The following PAPSS2 variants were observed in gnomAD, a reference collection of about 807,000 sequenced individuals.
The protein encoded by PAPSS2 is 3'-phosphoadenosine 5'-phosphosulfate synthase 2.
Under a neutral mutation model 66.5 loss-of-function variants are expected in PAPSS2, and 61 were observed. That is an observed-to-expected ratio of 0.92 (90% CI 0.75 to 1.14). The LOEUF (loss-of-function observed/expected upper bound fraction) is 1.14. PAPSS2 is among the 50% of genes most tolerant of loss of function. The pLI is 0.00. For synonymous variants in PAPSS2, 289 were observed against 287.5 expected, an observed-to-expected ratio of 1.01 and a Z score of -0.05; for missense variants, 708 against 789.6, an observed-to-expected ratio of 0.90 and a Z score of 1.24.
At chr10:87,685,352 A>G (rs989153691) in intron 1 of PAPSS2, among the ~76,000 whole-genome samples, 1 of 152,048 alleles carries the variant, frequency 6.6e-6, no homozygotes, top group Admixed American at 6.6e-5. Context: ...CTTCTCTTTA[A>G]TGTTTGTAGG....
intron 1 of PAPSS2, chr10:87,704,132 G>T (rs1853353026): frequency 1.7e-5 from 7 of 423,908 alleles, no homozygotes; most frequent in South Asian, 1.2e-4. Context: ...CCTCAAGGGT[G>T]ATTTTGAAAT....
intron 1 of PAPSS2, among the ~76,000 whole-genome samples, chr10:87,679,423 A>G (rs1852989229): frequency 6.6e-6 from 1 of 152,252 alleles, no homozygotes; most frequent in Non-Finnish European, 1.5e-5. Flanking sequence ...AAGTAGCTGG[A>G]AGTGAGGACT....
intron 9 of PAPSS2, among the ~76,000 whole-genome samples, chr10:87,729,952 C>G (rs117279698): frequency 6.6e-6 from 1 of 151,970 alleles, no homozygotes; most frequent in Admixed American, 6.6e-5. Flanking sequence ...GCCGAGGTAG[C>G]GCCATTGCAC....
At chr10:87,695,741 C>CATAATTAG (rs1374675841) in intron 1 of PAPSS2, among the ~76,000 whole-genome samples, 28 of 152,184 alleles carry the variant, frequency 1.8e-4, no homozygotes, top group African/African-American at 6.8e-4. Flanking sequence ...ATCAATGATA[C>CATAATTAG]ATAATTAGAG....
intron 1 of PAPSS2, among the ~76,000 whole-genome samples, chr10:87,708,529 T>A (rs977101387): frequency 6.6e-6 from 1 of 152,004 alleles, no homozygotes; most frequent in African/African-American, 2.4e-5. Flanking sequence ...TAGTATTTCC[T>A]CAGCTACTGG....
intron 4 of PAPSS2, 116 bp from the exon 5 acceptor site, chr10:87,714,629 T>A: frequency 1.3e-6 from 1 of 769,466 alleles, no homozygotes. Context: ...TGACCTTTTC[T>A]GTTAAAGTGT....
chr10:87,692,561 G>C (rs1402625594), intron 1 of PAPSS2, among the ~76,000 whole-genome samples: 4 of 152,200 alleles, frequency 2.6e-5, no homozygotes, highest in Non-Finnish European at 5.9e-5. Context: ...CAGAAAAAGA[G>C]TGGTCAATGG....
At chr10:87,737,920 C>T (rs1179199600) in intron 9 of PAPSS2, among the ~76,000 whole-genome samples, 4 of 152,124 alleles carry the variant, frequency 2.6e-5, no homozygotes, top group Non-Finnish European at 4.4e-5. Flanking sequence ...TCTATGAATT[C>T]GACTAGAATT....
intron 1 of PAPSS2, among the ~76,000 whole-genome samples, chr10:87,662,000 G>A (rs1852758718): frequency 6.6e-6 from 1 of 152,190 alleles, no homozygotes; most frequent in Non-Finnish European, 1.5e-5. Context: ...TTCAAAATGT[G>A]TTTTGAAACC....
chr10:87,682,694 G>A (rs1363048847), intron 1 of PAPSS2, among the ~76,000 whole-genome samples: 1 of 152,188 alleles, frequency 6.6e-6, no homozygotes, highest in East Asian at 1.9e-4. Context: ...GCTGACAGTA[G>A]ATATTAAAAG....
Position 87,676,872 on chromosome 10 carries a change from C to CAAAAAAAAAAAA in PAPSS2, c.27+16892_27+16903dup, listed in dbSNP as rs71019493. Among the ~76,000 whole-genome samples, 10 of 31,368 alleles carry CAAAAAAAAAAAA rather than the reference C, an allele frequency of 3.2e-4. 3 individuals carry two copies. Among genetic ancestry groups the CAAAAAAAAAAAA allele is most frequent in the Admixed American group, 1.7e-3 (3 of 1,746 alleles). 20.6% of individuals were successfully genotyped at this position (31,368 alleles called of 152,430 possible). On this transcript the variant is annotated intron_variant, in intron 1 of 12. Coordinates refer to ENST00000456849, the MANE Select transcript of PAPSS2 (RefSeq NM_001015880.2). ...TGGATGACAGAATGAGACCCTGTCT[C>CAAAAAAAAAAAA]AAAAAAAAAAAAAAAAAAAAAAAAA...
chr10:87,727,888 T>C (rs966390968), intron 9 of PAPSS2, among the ~76,000 whole-genome samples: 3 of 152,202 alleles, frequency 2.0e-5, no homozygotes, highest in Non-Finnish European at 4.4e-5. Flanking sequence ...TCATAAAGAA[T>C]GGACCCAACC....
intron 1 of PAPSS2, among the ~76,000 whole-genome samples, chr10:87,700,059 G>A (rs1033994429): frequency 6.6e-6 from 1 of 151,780 alleles, no homozygotes; most frequent in African/African-American, 2.4e-5. Flanking sequence ...ATATTTTAAC[G>A]AGATTAATGT....
intron 9 of PAPSS2, among the ~76,000 whole-genome samples, chr10:87,734,668 T>C (rs1466020589): frequency 0.054 from 3,704 of 68,394 alleles, 81 homozygotes; most frequent in South Asian, 0.069. Context: ...TGTGTGTATA[T>C]ATATATATAT....
chr10:87,696,633 A>G lies in PAPSS2; in HGVS notation c.28-12563A>G, dbSNP rs150613983. Among the ~76,000 whole-genome samples the G allele has an allele frequency of 4.5e-4, 69 of 152,330 alleles. 1 individual carries two copies. Among genetic ancestry groups the G allele is most frequent in the Admixed American group, 1.4e-3 (22 of 15,306 alleles). ...TTCTGCTTTATTTCATGATATGCTT[A>G]TGAAAGGATTTCTCATATAACTCCA... On this transcript the variant is annotated intron_variant, in intron 1 of 12. Coordinates refer to ENST00000456849, the MANE Select transcript of PAPSS2 (RefSeq NM_001015880.2).
At chr10:87,668,951 A>G (rs1368555119) in intron 1 of PAPSS2, among the ~76,000 whole-genome samples, 1 of 152,212 alleles carries the variant, frequency 6.6e-6, no homozygotes, top group Non-Finnish European at 1.5e-5. Context: ...TTCATTCAAC[A>G]AGAAATATTT....
chr10:87,709,116 A>C, intron 1 of PAPSS2, 80 bp from the exon 2 acceptor site: 1 of 927,400 alleles, frequency 1.1e-6, no homozygotes, highest in Non-Finnish European at 1.8e-6. Flanking sequence ...TTAAAAGTTT[A>C]AGATGGATTT....
In PAPSS2 at chr10:87,660,333, C is replaced by T. The variant is rs1852734258; in HGVS notation, c.27+325C>T. ...GGGACAGGAAATCCCCTTTCTTTCC[C>T]AAGAGCTCTTCCAGACCCGCCTTTT... On this transcript the variant is annotated intron_variant, in intron 1 of 12. Transcript: ENST00000456849. The T allele has an allele frequency of 5.8e-6, 3 of 521,260 alleles. No individual in the cohort carries two copies. The South Asian group carries it at 6.8e-5, about 12-fold the overall frequency. 32.3% of individuals were successfully genotyped at this position (521,260 alleles called of 1,614,324 possible). A position where few individuals can be genotyped will look rare whatever the true frequency, so the allele number is the denominator to read the frequency against.
intron 1 of PAPSS2, among the ~76,000 whole-genome samples, chr10:87,690,012 A>G (rs1853149295): frequency 6.6e-6 from 1 of 152,210 alleles, no homozygotes; most frequent in Non-Finnish European, 1.5e-5. Context: ...AGATTGGTGT[A>G]ATATTCTATA....
Sources: allele counts gnomAD v4.1 joint callset (sites outside exome capture counted in the v4.1 genomes callset), GRCh38; gene constraint gnomAD v4.1.1; transcripts MANE v1.5; gene names NCBI Gene and HGNC (gene_info 2026-07-23, HGNC 2026-07-21).